CRPPA: variants seen among roughly 807,000 people sequenced by gnomAD.
CRPPA encodes the protein D-ribitol-5-phosphate cytidylyltransferase.
A neutral mutation model predicts 52.0 loss-of-function variants in CRPPA; 43 were observed. The ratio of observed to expected loss-of-function variants is 0.83; its 90% CI spans 0.65 to 1.07. The LOEUF is 1.07. Among genes scored for constraint, CRPPA ranks in the 50% least tolerant of loss-of-function variants. The pLI, the probability that CRPPA is intolerant of heterozygous loss-of-function variation, is 0.00. For missense variants in CRPPA, 629 were observed against 551.7 expected (o/e 1.14, Z -1.40); for synonymous variants, 250 against 203.5 (o/e 1.23, Z -1.94).
chr7:16,252,149 C>A (rs1783473619), intron 8 of CRPPA, among the ~76,000 whole-genome samples: 3 of 152,008 alleles, frequency 2.0e-5, no homozygotes, highest in Non-Finnish European at 4.4e-5. Context: ...TGTGAAAATC[C>A]TGAATAAAAT....
In CRPPA at chr7:16,406,460, A is replaced by T. The variant is rs1004213222; in HGVS notation, c.258-123T>A. ...GGAGATTAAAAACTGCAAGTTAATA[A>T]AACAGTTTTATGCATTCTCGTTAGG... On this transcript the variant is annotated intron_variant, in intron 1 of 9. Coordinates refer to ENST00000407010, the MANE Select transcript of CRPPA (RefSeq NM_001101426.4). 4.4e-5 allele frequency: 36 copies of T among 821,360 alleles called. No individual in the cohort carries two copies. The African/African-American group carries it at 5.5e-4, about 13-fold the overall frequency. 50.9% of individuals were successfully genotyped at this position (821,360 alleles called of 1,614,324 possible). A position where few individuals can be genotyped will look rare whatever the true frequency, so the allele number is the denominator to read the frequency against.
intron 3 of CRPPA, among the ~76,000 whole-genome samples, chr7:16,350,792 ATC>A (rs1786131278): frequency 6.6e-6 from 1 of 152,170 alleles, no homozygotes; most frequent in African/African-American, 2.4e-5. Context: ...GCACTGAATG[ATC>A]TAATCACAAG....
At chr7:16,385,265 A>C (rs1008322980) in intron 2 of CRPPA, among the ~76,000 whole-genome samples, 19 of 152,162 alleles carry the variant, frequency 1.2e-4, no homozygotes, top group Non-Finnish European at 1.9e-4. Flanking sequence ...ATGACTGGTA[A>C]CCTCACAAAA....
intron 6 of CRPPA, among the ~76,000 whole-genome samples, chr7:16,262,269 C>T (rs1783830777): frequency 6.6e-6 from 1 of 152,124 alleles, no homozygotes; most frequent in African/African-American, 2.4e-5. Context: ...ATCTAAACAC[C>T]TACTCTACTT....
intron 2 of CRPPA, among the ~76,000 whole-genome samples, chr7:16,383,248 A>T (rs2128313455): frequency 6.6e-6 from 1 of 152,214 alleles, no homozygotes; most frequent in East Asian, 1.9e-4. Context: ...GGAGTTTGCT[A>T]GAGGTCCACT....
In CRPPA at chr7:16,308,645, AC is replaced by A. The variant is rs778040240; in HGVS notation, c.685-19del. 2.0e-5 allele frequency: 28 copies of A among 1,387,118 alleles called. No homozygotes were observed. The highest frequency in any genetic ancestry group is 2.8e-5 in the Non-Finnish European group (27 of 979,598). 85.9% of individuals were successfully genotyped at this position (1,387,118 alleles called of 1,614,324 possible). ...TCACTACACTGGTGTGGAAACAACA[AC>A]AACAACAATTAAGCTAAAATGCGAT... On this transcript the variant is annotated intron_variant, in intron 3 of 9. Transcript: ENST00000407010.
chr7:16,138,880 C>A (rs1782811926), intron 9 of CRPPA, among the ~76,000 whole-genome samples: 1 of 152,160 alleles, frequency 6.6e-6, no homozygotes, highest in South Asian at 2.1e-4. Flanking sequence ...CGGCTCACTG[C>A]AACATCTGCC....
chr7:16,117,750 G>C (rs565971013), intron 9 of CRPPA, among the ~76,000 whole-genome samples: 270 of 152,254 alleles, frequency 1.8e-3, no homozygotes, highest in African/African-American at 6.3e-3. Flanking sequence ...CATCTTCCTT[G>C]TAAGAAAGGC....
intron 8 of CRPPA, chr7:16,235,841 A>C (rs992624324): frequency 5.3e-5 from 8 of 152,048 alleles, no homozygotes; most frequent in African/African-American, 1.7e-4. Context: ...GATACAGTGA[A>C]ATGATCACTA....
At chr7:16,109,563 A>G (rs1430418910) in intron 9 of CRPPA, among the ~76,000 whole-genome samples, 8 of 152,024 alleles carry the variant, frequency 5.3e-5, no homozygotes, top group African/African-American at 1.9e-4. Context: ...ATCTTTCAGG[A>G]ACATAGATGC....
intron 9 of CRPPA, among the ~76,000 whole-genome samples, chr7:16,201,707 A>G (rs1209336428): frequency 6.6e-6 from 1 of 152,158 alleles, no homozygotes; most frequent in Non-Finnish European, 1.5e-5. Context: ...GGGCAGTGGG[A>G]ATTAAAGGGC....
intron 7 of CRPPA, 113 bp from the exon 8 acceptor site, chr7:16,258,595 T>C (rs939463309): frequency 1.5e-6 from 1 of 648,786 alleles, no homozygotes; most frequent in Admixed American, 3.5e-5. Flanking sequence ...TTTATCAAAC[T>C]TAGTTTTTAA....
At chr7:16,419,738 G>A (rs1038461006) in intron 1 of CRPPA, among the ~76,000 whole-genome samples, 1 of 151,332 alleles carries the variant, frequency 6.6e-6, no homozygotes. Flanking sequence ...ACCTCACATA[G>A]ACCCCCTATG....
At chr7:16,265,487 CTCTG>C (rs1487811788) in intron 6 of CRPPA, among the ~76,000 whole-genome samples, 1 of 152,144 alleles carries the variant, frequency 6.6e-6, no homozygotes, top group African/African-American at 2.4e-5. Flanking sequence ...TGGACACTGC[CTCTG>C]TCTGAGTCCA....
At chr7:16,375,719 A>G (rs1786863239) in intron 3 of CRPPA, among the ~76,000 whole-genome samples, 1 of 152,158 alleles carries the variant, frequency 6.6e-6, no homozygotes, top group African/African-American at 2.4e-5. Context: ...GAATTTTTGT[A>G]TGTGCCAAGC....
At chr7:16,317,962 T>A (rs534314142) in intron 3 of CRPPA, among the ~76,000 whole-genome samples, 1 of 152,304 alleles carries the variant, frequency 6.6e-6, no homozygotes, top group South Asian at 2.1e-4. Flanking sequence ...AGATGACCCT[T>A]GTCTTCACTT....
At position 16,088,022 on chromosome 7, in the gene CRPPA, A is replaced by T. The variant is rs73289958; in HGVS notation, c.*3673T>A. The T allele has an allele frequency of 1.4e-4, 21 of 152,308 alleles. No individual in the cohort carries two copies. The highest frequency in any genetic ancestry group is 4.6e-4 in the African/African-American group (19 of 41,576). 9.4% of individuals were successfully genotyped at this position (152,308 alleles called of 1,614,324 possible). A position where few individuals can be genotyped will look rare whatever the true frequency, so the allele number is the denominator to read the frequency against. On this transcript the variant is annotated 3_prime_UTR_variant, in exon 10 of 10. Transcript: ENST00000407010. The stretch of plus-strand genomic sequence containing the variant: ...TTAATGTAAAATACTTACAATAATA[A>T]CCATAACAATGACTCTGAGAGAATA...
At chr7:16,287,875 T>C (rs56386918) in intron 5 of CRPPA, among the ~76,000 whole-genome samples, 2,005 of 143,986 alleles carry the variant, frequency 0.014, 28 homozygotes, top group Non-Finnish European at 0.017. Context: ...TGAGCCAAGA[T>C]TGTACCACTG....
At chr7:16,189,685 A>T (rs1781569650) in intron 9 of CRPPA, among the ~76,000 whole-genome samples, 1 of 152,210 alleles carries the variant, frequency 6.6e-6, no homozygotes, top group African/African-American at 2.4e-5. Flanking sequence ...ATAGAACATG[A>T]TATAGGCTAA....
Sources: gnomAD v4.1 joint callset for allele counts (sites outside exome capture counted in the v4.1 genomes callset) on GRCh38, gnomAD v4.1.1 for gene constraint, MANE v1.5 for transcripts, NCBI Gene and HGNC (gene_info 2026-07-23, HGNC 2026-07-21) for gene names.